EDIL3: variants seen among roughly 807,000 people sequenced by gnomAD.
EDIL3 encodes the protein EGF-like repeat and discoidin I-like domain-containing protein 3.
Under a neutral mutation model 67.4 loss-of-function variants are expected in EDIL3, and 37 were observed. The ratio of observed to expected loss-of-function variants is 0.55; its 90% confidence interval spans 0.42 to 0.72. EDIL3 has a LOEUF of 0.72. Among genes scored for constraint, EDIL3 ranks in the 30% least tolerant of loss-of-function variants. The pLI is 0.00. For missense variants in EDIL3, 527 were observed against 586.3 expected, an observed-to-expected ratio of 0.90 and a Z score of 1.04; for synonymous variants, 195 against 196.3, an observed-to-expected ratio of 0.99 and a Z score of 0.05.
chr5:83,961,501 A>G lies in EDIL3; in HGVS notation c.1293+1704T>C, dbSNP rs909006560. ...TTTACATAAATGGAGACAAAAAAGT[A>G]TCTCAACAGTTTAACGGTTTAACCA... On this transcript the variant is annotated intron_variant, in intron 10 of 10. Transcript: ENST00000296591. Among the ~76,000 whole-genome samples the G allele has an allele frequency of 5.3e-5, 8 of 151,248 alleles. No individual in the cohort carries two copies. In the South Asian group the frequency reaches 1.7e-3, roughly 31 times the overall value.
At chr5:84,288,431 T>G (rs2112115234) in intron 1 of EDIL3, among the ~76,000 whole-genome samples, 1 of 152,258 alleles carries the variant, frequency 6.6e-6, no homozygotes, top group East Asian at 1.9e-4. Context: ...CAGGTTATGC[T>G]TCCCCTTTGG....
At chr5:84,143,727 A>G (rs1748245166) in intron 4 of EDIL3, among the ~76,000 whole-genome samples, 1 of 152,006 alleles carries the variant, frequency 6.6e-6, no homozygotes, top group Non-Finnish European at 1.5e-5. Context: ...TGTCTCTATA[A>G]CTCAAATATT....
In EDIL3 at chr5:84,349,805, T is replaced by G. The variant is rs189340516; in HGVS notation, c.67+34503A>C. On this transcript the variant is annotated intron_variant, in intron 1 of 10. Coordinates refer to ENST00000296591, the MANE Select transcript of EDIL3 (RefSeq NM_005711.5). ...TCATTTAAATGTTCACTTTTGATGT[T>G]TATATTGCATGCAATATTATAGATT... Among the ~76,000 whole-genome samples the G allele has an allele frequency of 1.7e-4, 26 of 152,304 alleles. No individual in the cohort carries two copies. In the East Asian group the frequency reaches 5.0e-3, roughly 29 times the overall value.
At chr5:84,129,445 A>G (rs1386518664) in intron 5 of EDIL3, among the ~76,000 whole-genome samples, 1 of 152,060 alleles carries the variant, frequency 6.6e-6, no homozygotes, top group African/African-American at 2.4e-5. Flanking sequence ...TGCACCTCAG[A>G]TTTACCCATA....
intron 1 of EDIL3, among the ~76,000 whole-genome samples, chr5:84,343,039 A>G (rs2112179509): frequency 6.6e-6 from 1 of 152,202 alleles, no homozygotes; most frequent in South Asian, 2.1e-4. Flanking sequence ...AGTACTTTTT[A>G]GCAAGACTAG....
At chr5:84,242,319 A>C (rs557838188) in intron 2 of EDIL3, among the ~76,000 whole-genome samples, 71 of 152,160 alleles carry the variant, frequency 4.7e-4, no homozygotes, top group Non-Finnish European at 9.0e-4. Flanking sequence ...GTGGAGAGAG[A>C]TTAAGTAACT....
At chr5:83,992,224 T>C (rs1394523483) in intron 9 of EDIL3, among the ~76,000 whole-genome samples, 1 of 152,170 alleles carries the variant, frequency 6.6e-6, no homozygotes, top group Non-Finnish European at 1.5e-5. Context: ...TGTAACTCTA[T>C]TGTAGTTCAT....
chr5:84,263,465 G>A (rs1745276597), intron 1 of EDIL3, among the ~76,000 whole-genome samples: 1 of 152,144 alleles, frequency 6.6e-6, no homozygotes, highest in South Asian at 2.1e-4. Flanking sequence ...AATTCTTTCA[G>A]GAGTTAGATG....
intron 4 of EDIL3, among the ~76,000 whole-genome samples, chr5:84,144,826 A>G (rs1580348122): frequency 6.6e-6 from 1 of 152,054 alleles, no homozygotes; most frequent in African/African-American, 2.4e-5. Flanking sequence ...ATGTCAAATT[A>G]GTTCTCTCTC....
At chr5:84,032,051 T>G (rs2112203765) in intron 9 of EDIL3, among the ~76,000 whole-genome samples, 1 of 152,334 alleles carries the variant, frequency 6.6e-6, no homozygotes, top group African/African-American at 2.4e-5. Context: ...GTAAGATAGC[T>G]AAATGCCATT....
chr5:84,301,236 C>A (rs1746154434), intron 1 of EDIL3, among the ~76,000 whole-genome samples: 1 of 150,768 alleles, frequency 6.6e-6, no homozygotes, highest in South Asian at 2.1e-4. Context: ...CCATTGCACT[C>A]CAGCCTGGGC....
At chr5:84,034,473 C>G (rs1745983012) in intron 9 of EDIL3, among the ~76,000 whole-genome samples, 1 of 152,042 alleles carries the variant, frequency 6.6e-6, no homozygotes, top group South Asian at 2.1e-4. Flanking sequence ...TCAGTGTAGT[C>G]ATGAAAATAA....
At chr5:83,970,168 T>C (rs1268525521) in intron 9 of EDIL3, among the ~76,000 whole-genome samples, 4 of 151,136 alleles carry the variant, frequency 2.6e-5, no homozygotes, top group African/African-American at 4.8e-5. Flanking sequence ...TTTTTGACAA[T>C]TGAAAAGTGG....
intron 1 of EDIL3, among the ~76,000 whole-genome samples, chr5:84,290,653 T>G (rs559691730): frequency 8.5e-5 from 13 of 152,316 alleles, no homozygotes; most frequent in Middle Eastern, 6.8e-3. Context: ...AAAAATAATT[T>G]TTATCTTCCT....
At chr5:84,128,869 G>A (rs1426654320) in intron 5 of EDIL3, among the ~76,000 whole-genome samples, 1 of 152,036 alleles carries the variant, frequency 6.6e-6, no homozygotes, top group Non-Finnish European at 1.5e-5. Context: ...ATACAGTTTA[G>A]CACATAAGGG....
At chr5:84,121,611 GA>G (rs894057678) in intron 5 of EDIL3, among the ~76,000 whole-genome samples, 10 of 141,616 alleles carry the variant, frequency 7.1e-5, no homozygotes, top group East Asian at 2.0e-4. Flanking sequence ...CCATTGGTCA[GA>G]AAAAAAAAAG....
At chr5:84,030,327 G>C (rs1745897056) in intron 9 of EDIL3, among the ~76,000 whole-genome samples, 1 of 152,072 alleles carries the variant, frequency 6.6e-6, no homozygotes, top group African/African-American at 2.4e-5. Context: ...ACGTTTCTCA[G>C]AAAGATCAAA....
chr5:84,176,204 TATA>T (rs1748905636), intron 4 of EDIL3, among the ~76,000 whole-genome samples: 1 of 20,218 alleles, frequency 4.9e-5, no homozygotes, highest in South Asian at 1.8e-3. Context: ...ATATAATATA[TATA>T]TATATATATA....
At chr5:84,172,919 C>G (rs1256098483) in intron 4 of EDIL3, among the ~76,000 whole-genome samples, 1 of 152,162 alleles carries the variant, frequency 6.6e-6, no homozygotes, top group African/African-American at 2.4e-5. Context: ...CACTGGGCAG[C>G]TCTGTATGTA....
Sources: gnomAD v4.1 joint callset for allele counts (sites outside exome capture counted in the v4.1 genomes callset) on GRCh38, gnomAD v4.1.1 for gene constraint, MANE v1.5 for transcripts, NCBI Gene and HGNC (gene_info 2026-07-23, HGNC 2026-07-21) for gene names.